MTUS2: variants seen among roughly 807,000 people sequenced by gnomAD.
MTUS2 encodes the protein microtubule associated scaffold protein 2, also known as microtubule-associated tumor suppressor candidate 2.
Under a neutral mutation model 114.1 loss-of-function variants are expected in MTUS2, and 40 were observed. The ratio of observed to expected loss-of-function variants is 0.35; its 90% confidence interval spans 0.27 to 0.46. The LOEUF is 0.46. MTUS2 is among the 20% of genes least tolerant of loss of function. MTUS2 has a pLI of 1.00. For synonymous variants in MTUS2, 688 were observed against 672.0 expected, an observed-to-expected ratio of 1.02 and a Z score of -0.37; for missense variants, 1,679 against 1,705.4, an observed-to-expected ratio of 0.98 and a Z score of 0.27.
At chr13:29,099,102 G>A (rs1279920055) in intron 4 of MTUS2, among the ~76,000 whole-genome samples, 4 of 152,154 alleles carry the variant, frequency 2.6e-5, no homozygotes, top group Admixed American at 6.6e-5. Context: ...CTGTTCTGGG[G>A]ATATGAACTA....
intron 8 of MTUS2, among the ~76,000 whole-genome samples, chr13:29,423,557 A>G (rs960488572): frequency 2.0e-5 from 3 of 152,248 alleles, no homozygotes; most frequent in Non-Finnish European, 4.4e-5. Context: ...AAAAAACAGT[A>G]ATTAGTGCAA....
intron 4 of MTUS2, among the ~76,000 whole-genome samples, chr13:29,084,019 A>G (rs1889558007): frequency 6.6e-6 from 1 of 152,160 alleles, no homozygotes; most frequent in Non-Finnish European, 1.5e-5. Context: ...TAATCTGTAA[A>G]TGAAAGACTT....
chr13:28,859,219 G>A (rs1412438742), intron 2 of MTUS2, among the ~76,000 whole-genome samples: 2 of 152,190 alleles, frequency 1.3e-5, no homozygotes, highest in Non-Finnish European at 2.9e-5. Flanking sequence ...ACCCTGTGTT[G>A]CCCTGTTCAG....
chr13:29,290,549 C>T (rs1487739030), intron 6 of MTUS2, among the ~76,000 whole-genome samples: 1 of 152,134 alleles, frequency 6.6e-6, no homozygotes, highest in Non-Finnish European at 1.5e-5. Flanking sequence ...CCAGGATGGT[C>T]TCGATCTCCT....
chr13:29,007,932 T>G (rs1885671268), intron 2 of MTUS2, among the ~76,000 whole-genome samples: 1 of 152,176 alleles, frequency 6.6e-6, no homozygotes, highest in South Asian at 2.1e-4. Flanking sequence ...TGCCCCTAAC[T>G]CCCACGTTGT....
intron 5 of MTUS2, among the ~76,000 whole-genome samples, chr13:29,114,014 C>T (rs1215517388): frequency 6.6e-6 from 1 of 152,148 alleles, no homozygotes; most frequent in Admixed American, 6.5e-5. Context: ...CCCCCTGTCT[C>T]TCTTATGCTC....
intron 2 of MTUS2, among the ~76,000 whole-genome samples, chr13:28,966,724 C>CAAAAAAAAA (rs10597818): frequency 8.9e-4 from 73 of 82,242 alleles, no homozygotes; most frequent in Non-Finnish European, 1.3e-3. Flanking sequence ...GACCCTGTCT[C>CAAAAAAAAA]AAAAAAAAAA....
At chr13:28,900,683 A>G (rs973168609) in intron 2 of MTUS2, among the ~76,000 whole-genome samples, 19 of 152,204 alleles carry the variant, frequency 1.2e-4, no homozygotes, top group African/African-American at 3.1e-4. Context: ...AAGGACATCT[A>G]GGTGGTTTCT....
At chr13:29,407,051 C>T (rs1874809931) in intron 8 of MTUS2, among the ~76,000 whole-genome samples, 1 of 152,184 alleles carries the variant, frequency 6.6e-6, no homozygotes, top group Non-Finnish European at 1.5e-5. Context: ...TTGAGACCAG[C>T]CTGGCCAACA....
At chr13:29,467,248 G>T (rs1161954073) in intron 9 of MTUS2, among the ~76,000 whole-genome samples, 1 of 152,170 alleles carries the variant, frequency 6.6e-6, no homozygotes, top group Non-Finnish European at 1.5e-5. Flanking sequence ...ACATTTTTCA[G>T]TCATTTTTTA....
intron 5 of MTUS2, among the ~76,000 whole-genome samples, chr13:29,181,245 C>T (rs1410749336): frequency 2.0e-5 from 3 of 151,836 alleles, no homozygotes; most frequent in African/African-American, 7.3e-5. Context: ...CCACTGGTAG[C>T]AGCAGGCATC....
intron 5 of MTUS2, among the ~76,000 whole-genome samples, chr13:29,166,828 G>GA (rs1289226652): frequency 4.0e-5 from 6 of 151,730 alleles, no homozygotes; most frequent in East Asian, 1.9e-4. Flanking sequence ...GTATTGTCTT[G>GA]AAAAAAAATT....
intron 2 of MTUS2, among the ~76,000 whole-genome samples, chr13:29,012,303 G>A (rs755598547): frequency 2.6e-5 from 4 of 152,022 alleles, no homozygotes; most frequent in African/African-American, 7.2e-5. Context: ...CCCGACTCAC[G>A]CCCACTCCCG....
rs146149253 is a variant in MTUS2 at position 28,833,340 on chromosome 13, C to T, written c.-315-6438C>T. ...AATACTACCAAACAGAAATCAGCAA[C>T]ATATAAAAAGGTTTGTATACCGTGA... On this transcript the variant is annotated intron_variant, in intron 1 of 15. Coordinates refer to ENST00000612955, the MANE Select transcript of MTUS2 (RefSeq NM_001033602.4). Among the ~76,000 whole-genome samples, 184 of 152,118 alleles carry T rather than the reference C, an allele frequency of 1.2e-3. 2 individuals are homozygous for T. In the East Asian group the frequency reaches 0.027, roughly 23 times the overall value.
chr13:28,972,348 C>G (rs1167516886), intron 2 of MTUS2, among the ~76,000 whole-genome samples: 1 of 152,146 alleles, frequency 6.6e-6, no homozygotes, highest in Non-Finnish European at 1.5e-5. Context: ...GCATTATTAA[C>G]CTAAGAAATA....
intron 8 of MTUS2, among the ~76,000 whole-genome samples, chr13:29,423,679 G>C (rs1308405563): frequency 1.3e-5 from 2 of 152,086 alleles, no homozygotes; most frequent in Non-Finnish European, 2.9e-5. Flanking sequence ...AACCTCATTG[G>C]GTACCATTTC....
Position 29,072,293 on chromosome 13 carries a change from C to T in MTUS2, c.2447-28480C>T, listed in dbSNP as rs538693303. The T allele has an allele frequency of 2.0e-5, 3 of 152,262 alleles. No individual in the cohort carries two copies. In the East Asian group the frequency reaches 5.8e-4, roughly 29 times the overall value. 9.4% of individuals were successfully genotyped at this position (152,262 alleles called of 1,614,324 possible). Reference sequence around the variant, plus strand: ...TTCTACCTCTTACAATTGAATTACTCTCATTTTCAAGCATCTTTGATTAGA... The same window carrying T: ...TTCTACCTCTTACAATTGAATTACTTTCATTTTCAAGCATCTTTGATTAGA... On this transcript the variant is annotated intron_variant, in intron 4 of 15. Coordinates refer to ENST00000612955, the MANE Select transcript of MTUS2 (RefSeq NM_001033602.4).
intron 9 of MTUS2, among the ~76,000 whole-genome samples, chr13:29,443,037 A>C (rs1003110553): frequency 6.6e-6 from 1 of 152,166 alleles, no homozygotes; most frequent in African/African-American, 2.4e-5. Context: ...TATGAAATAG[A>C]TGAGTTTCTA....
intron 5 of MTUS2, among the ~76,000 whole-genome samples, chr13:29,159,142 A>G (rs1489554667): frequency 1.3e-5 from 2 of 152,250 alleles, no homozygotes; most frequent in South Asian, 2.1e-4. Context: ...GTGTTTTAAA[A>G]AAGTTTATAT....
Sources: gnomAD v4.1 joint callset for allele counts (sites outside exome capture counted in the v4.1 genomes callset) on GRCh38, gnomAD v4.1.1 for gene constraint, MANE v1.5 for transcripts, NCBI Gene and HGNC (gene_info 2026-07-23, HGNC 2026-07-21) for gene names.